CORO2B: variants seen among roughly 807,000 people sequenced by gnomAD.
CORO2B encodes the protein coronin 2B, also known as coronin-2B.
A neutral mutation model predicts 58.8 loss-of-function variants in CORO2B; 26 were observed. That is an observed-to-expected ratio of 0.44 (90% CI 0.32 to 0.61). The LOEUF is 0.61. Ranked by LOEUF, CORO2B falls within the 20% of genes least tolerant of loss-of-function variation. The pLI is 0.04. For missense variants in CORO2B, 460 were observed against 645.1 expected (o/e 0.71, Z 3.11); for synonymous variants, 242 against 253.8 (o/e 0.95, Z 0.44).
intron 3 of CORO2B, among the ~76,000 whole-genome samples, chr15:68,706,190 T>TC (rs1892780565): frequency 2.6e-5 from 4 of 152,132 alleles, no homozygotes; most frequent in Admixed American, 2.6e-4. Flanking sequence ...CCGTGCAGGT[T>TC]CCCTACCTGC....
chr15:68,524,820 G>A, the CORO2B span, among the ~76,000 whole-genome samples: 4 of 152,312 alleles, frequency 2.6e-5, no homozygotes, highest in East Asian at 7.7e-4. Flanking sequence ...TAAATACACA[G>A]TAGATGCTCT....
the CORO2B span, among the ~76,000 whole-genome samples, chr15:68,559,025 A>ATATGTTCGGAGATCCTACCACGCGC: frequency 6.6e-6 from 1 of 152,080 alleles, no homozygotes; most frequent in South Asian, 2.1e-4. The surrounding 1 kb of genome is among the most constrained non-coding windows in gnomAD (Gnocchi z 4.3). Flanking sequence ...TAGTCAGTAA[A>ATATGTTCGGAGATCCTACCACGCGC]TATGTTCGGA....
the CORO2B span, chr15:68,559,509 G>A: frequency 2.7e-6 from 2 of 740,508 alleles, no homozygotes; most frequent in Admixed American, 6.3e-5. The surrounding 1 kb of genome is among the most constrained non-coding windows in gnomAD (Gnocchi z 4.3). Context: ...GCGTCAGCGG[G>A]GTGGTGAGGG....
the CORO2B span, among the ~76,000 whole-genome samples, chr15:68,565,135 G>A: frequency 5.3e-5 from 8 of 152,172 alleles, no homozygotes; most frequent in Admixed American, 2.0e-4. Flanking sequence ...TTGCTTTACT[G>A]TCTACTGAAC....
intron 2 of CORO2B, among the ~76,000 whole-genome samples, chr15:68,677,126 G>A (rs1277174012): frequency 6.6e-6 from 1 of 152,130 alleles, no homozygotes; most frequent in Non-Finnish European, 1.5e-5. Flanking sequence ...CAGGCCTGGA[G>A]CCCCGGAGGC....
Position 68,719,458 on chromosome 15 carries a change from A to G in CORO2B, c.1217A>G (p.Lys406Arg). 6.2e-7 allele frequency: 1 copy of G among 1,614,188 alleles called. No homozygotes were observed. The highest frequency in any genetic ancestry group is 8.5e-7 in the Non-Finnish European group (1 of 1,180,040). The part of the protein sequence containing the change: ...SLKEGYKKSS[K>R]MVFKAPIKEK... ...AAAGAAGGCTATAAGAAGTCCTCAA[A>G]AATGGTATTTAAGGCTCCCATCAAA... The change falls in exon 11 of 12, where the codon AAA becomes AGA. Residue 406 changes from lysine to arginine, a missense_variant. By Grantham distance (26) the Lys-to-Arg change is conservative. This residue lies in a region of CORO2B where 108 missense variants were observed against 102.1 expected (regional missense o/e 1.06). Transcript: ENST00000261861.
chr15:68,639,739 G>A (rs912790554), intron 1 of CORO2B, among the ~76,000 whole-genome samples: 2 of 152,182 alleles, frequency 1.3e-5, no homozygotes, highest in Non-Finnish European at 2.9e-5. Flanking sequence ...TTCCAAGTTA[G>A]GCAGCTCTAA....
chr15:68,678,498 A>AC (rs1902661868), intron 2 of CORO2B, among the ~76,000 whole-genome samples: 2 of 152,110 alleles, frequency 1.3e-5, no homozygotes, highest in African/African-American at 4.8e-5. Flanking sequence ...ACATGGTGAA[A>AC]CCCCATCTCT....
At chr15:68,667,933 T>G (rs988737669) in intron 2 of CORO2B, among the ~76,000 whole-genome samples, 4 of 152,322 alleles carry the variant, frequency 2.6e-5, no homozygotes, top group African/African-American at 7.2e-5. Context: ...AGCCTTGGAT[T>G]TCTTATTTGT....
chr15:68,521,809 GTGGC>G, the CORO2B span, among the ~76,000 whole-genome samples: 18 of 150,392 alleles, frequency 1.2e-4, no homozygotes, highest in Admixed American at 8.6e-4. Flanking sequence ...GAGTGCAGCA[GTGGC>G]TCACTGCAGC....
the CORO2B span, among the ~76,000 whole-genome samples, chr15:68,563,351 G>A: frequency 6.5e-3 from 995 of 152,052 alleles, 11 homozygotes; most frequent in African/African-American, 0.022. Flanking sequence ...TTAGCTGGGC[G>A]TATTGGCGTG....
At chr15:68,597,994 A>G (rs1418069609) in intron 1 of CORO2B, among the ~76,000 whole-genome samples, 1 of 152,230 alleles carries the variant, frequency 6.6e-6, no homozygotes, top group African/African-American at 2.4e-5. Flanking sequence ...TCAGTGGAGA[A>G]CCATGGCCAC....
intron 2 of CORO2B, among the ~76,000 whole-genome samples, chr15:68,676,343 C>G (rs1200283380): frequency 6.6e-6 from 1 of 152,166 alleles, no homozygotes; most frequent in Admixed American, 6.5e-5. Flanking sequence ...CCAGAGGATT[C>G]TGAATTGAAG....
At chr15:68,671,127 C>G (rs1333455423) in intron 2 of CORO2B, among the ~76,000 whole-genome samples, 2 of 152,184 alleles carry the variant, frequency 1.3e-5, no homozygotes, top group African/African-American at 4.8e-5. Flanking sequence ...GAAAATCATG[C>G]TGTTCAAGAA....
At chr15:68,559,554 C>T in the CORO2B span, 2 of 984,582 alleles carry the variant, frequency 2.0e-6, no homozygotes, top group Non-Finnish European at 2.4e-6. This position sits in a 1 kb window ranked among gnomAD's most constrained non-coding sequence, Gnocchi z 4.3. Context: ...CGTGCCAAGC[C>T]GGCCCGCTGG....
the CORO2B span, among the ~76,000 whole-genome samples, chr15:68,548,454 G>T: frequency 1.8e-4 from 28 of 152,232 alleles, no homozygotes; most frequent in South Asian, 5.6e-3. Flanking sequence ...ATTTCAAGCT[G>T]CCAACAGGAC....
At chr15:68,661,403 A>T (rs1902010709) in intron 2 of CORO2B, among the ~76,000 whole-genome samples, 1 of 152,230 alleles carries the variant, frequency 6.6e-6, no homozygotes, top group Non-Finnish European at 1.5e-5. Context: ...ATTGTCCAAT[A>T]TCAAAAGAAC....
the CORO2B span, among the ~76,000 whole-genome samples, chr15:68,534,249 GATGTGTACACACACCTGCACAT>G: frequency 2.1e-4 from 31 of 150,190 alleles, no homozygotes; most frequent in East Asian, 1.2e-3. Flanking sequence ...CACATGCATG[GATGTGTACACACACCTGCACAT>G]ATGTGTACAC....
At chr15:68,644,495 A>C (rs893851038) in intron 1 of CORO2B, among the ~76,000 whole-genome samples, 2 of 152,136 alleles carry the variant, frequency 1.3e-5, no homozygotes, top group African/African-American at 4.8e-5. Flanking sequence ...GGAGTCTTGG[A>C]TTTCCAGTCA....
Sources: allele counts gnomAD v4.1 joint callset (sites outside exome capture counted in the v4.1 genomes callset), GRCh38; gene constraint gnomAD v4.1.1; regional missense constraint gnomAD v4.1.1; non-coding constraint Gnocchi (gnomAD v3.1); transcripts MANE v1.5; gene names NCBI Gene and HGNC (gene_info 2026-07-23, HGNC 2026-07-21).